Variants in TENM2 observed in about 807,000 individuals in gnomAD.
The protein encoded by TENM2 is teneurin-2.
Under a neutral mutation model 245.2 loss-of-function variants are expected in TENM2, and 52 were observed. That is an observed-to-expected ratio of 0.21 (90% CI 0.17 to 0.27). The LOEUF (loss-of-function observed/expected upper bound fraction) is 0.27, where lower values mean the gene tolerates loss of function less well. Ranked by LOEUF, TENM2 falls within the 10% of genes least tolerant of loss-of-function variation. The pLI is 1.00. For missense variants in TENM2, 3,046 were observed against 3,666.8 expected (o/e 0.83, Z 4.37); for synonymous variants, 1,363 against 1,438.9 (o/e 0.95, Z 1.19).
chr5:168,039,309 C>T (rs1313153442), intron 5 of TENM2, among the ~76,000 whole-genome samples: 14 of 152,162 alleles, frequency 9.2e-5, no homozygotes, highest in African/African-American at 3.4e-4. Flanking sequence ...TGCTGGTTGC[C>T]GTTCTTTGAA....
At chr5:167,897,880 G>A (rs565451681) in intron 3 of TENM2, among the ~76,000 whole-genome samples, 40 of 146,698 alleles carry the variant, frequency 2.7e-4, no homozygotes, top group Admixed American at 1.8e-3. Context: ...TGGGTAATCC[G>A]TAGTAAATTG....
At chr5:168,263,753 G>A (rs1425188055), downstream of TENM2, 2 of 152,454 alleles carry the variant, frequency 1.3e-5, no homozygotes, top group South Asian at 2.1e-4. Context: ...TATCAGTTTC[G>A]GTAGAGGTGC....
At chr5:167,386,455 C>T (rs1308166519) in intron 2 of TENM2, among the ~76,000 whole-genome samples, 1 of 152,060 alleles carries the variant, frequency 6.6e-6, no homozygotes, top group African/African-American at 2.4e-5. Context: ...TTTTCTCCCA[C>T]TCTGTGGGTT....
At chr5:167,055,148 T>C in the TENM2 span, among the ~76,000 whole-genome samples, 85 of 152,234 alleles carry the variant, frequency 5.6e-4, no homozygotes, top group African/African-American at 2.0e-3. Flanking sequence ...TTCTAGAAAT[T>C]TTACAGTTTT....
At chr5:167,282,248 C>G (rs924443639), upstream of TENM2, among the ~76,000 whole-genome samples, 4 of 152,106 alleles carry the variant, frequency 2.6e-5, no homozygotes, top group African/African-American at 9.7e-5. Flanking sequence ...ATACTCAACT[C>G]CCCATAAAAC....
intron 2 of TENM2, among the ~76,000 whole-genome samples, chr5:167,440,767 T>C (rs1370305054): frequency 6.6e-6 from 1 of 152,158 alleles, no homozygotes; most frequent in Non-Finnish European, 1.5e-5. Context: ...TCTCTTTCTC[T>C]TTCTTTTCTC....
At chr5:167,766,886 C>T (rs545652179) in intron 2 of TENM2, among the ~76,000 whole-genome samples, 2 of 150,934 alleles carry the variant, frequency 1.3e-5, no homozygotes, top group East Asian at 3.9e-4. Context: ...CTCAAAAAAA[C>T]AAAAACAAAA....
chr5:167,743,487 CA>C (rs1469528327), intron 2 of TENM2, among the ~76,000 whole-genome samples: 1 of 152,166 alleles, frequency 6.6e-6, no homozygotes, highest in Admixed American at 6.5e-5. Context: ...AAAGGCTTAT[CA>C]AACAATTAAA....
chr5:167,685,720 A>G (rs982627419), intron 2 of TENM2, among the ~76,000 whole-genome samples: 7 of 152,178 alleles, frequency 4.6e-5, no homozygotes, highest in Non-Finnish European at 8.8e-5. Context: ...GTTATCTGTA[A>G]TGATATATGA....
chr5:167,306,030 G>C (rs998906071), intron 1 of TENM2, among the ~76,000 whole-genome samples: 5 of 152,156 alleles, frequency 3.3e-5, no homozygotes, highest in African/African-American at 7.2e-5. Context: ...AAAATGGTGA[G>C]AGTGGAAACA....
the TENM2 span, among the ~76,000 whole-genome samples, chr5:167,176,769 T>C: frequency 6.6e-6 from 1 of 152,190 alleles, no homozygotes; most frequent in Non-Finnish European, 1.5e-5. Context: ...TTTTATACTT[T>C]CCCAAAACTA....
At chr5:167,620,549 C>CTTTTTTTTTTTT (rs11455974) in intron 2 of TENM2, among the ~76,000 whole-genome samples, 8 of 73,334 alleles carry the variant, frequency 1.1e-4, no homozygotes, top group Admixed American at 2.2e-4. Flanking sequence ...TGCTTTTTGG[C>CTTTTTTTTTTTT]TTTTTTTTTT....
chr5:167,713,484 A>G (rs975342358), intron 2 of TENM2, among the ~76,000 whole-genome samples: 1 of 152,022 alleles, frequency 6.6e-6, no homozygotes, highest in Non-Finnish European at 1.5e-5. Context: ...CATACATACA[A>G]TGCACACACA....
chr5:168,065,875 A>G (rs1317322555), intron 7 of TENM2, among the ~76,000 whole-genome samples: 1 of 135,726 alleles, frequency 7.4e-6, no homozygotes. Flanking sequence ...TTTCTTGTTT[A>G]TGCTACACCA....
chr5:167,652,444 G>A (rs1005473149), intron 2 of TENM2, among the ~76,000 whole-genome samples: 3 of 151,990 alleles, frequency 2.0e-5, no homozygotes, highest in Non-Finnish European at 4.4e-5. Flanking sequence ...TCTGCCTTCA[G>A]GAGGAGAAAT....
At chr5:168,185,753 T>G (rs1760330057) in intron 13 of TENM2, among the ~76,000 whole-genome samples, 1 of 151,642 alleles carries the variant, frequency 6.6e-6, no homozygotes, top group African/African-American at 2.4e-5. Context: ...TTGCCAAGAT[T>G]CAACCAGCCC....
chr5:167,435,662 C>G (rs943614384), intron 2 of TENM2, among the ~76,000 whole-genome samples: 3 of 152,112 alleles, frequency 2.0e-5, no homozygotes, highest in African/African-American at 4.8e-5. Flanking sequence ...AACTGGGTAA[C>G]AGGCAGAGGC....
intron 2 of TENM2, among the ~76,000 whole-genome samples, chr5:167,849,938 T>C (rs866092979): frequency 6.6e-6 from 1 of 152,046 alleles, no homozygotes; most frequent in Non-Finnish European, 1.5e-5. Flanking sequence ...CAAATCCTAT[T>C]CGTTTTGTTT....
At chr5:168,215,268 G>A (rs374089694) in exon 21 of TENM2, 118 of 1,613,292 alleles carry the variant, frequency 7.3e-5, no homozygotes, top group Non-Finnish European at 9.4e-5. Flanking sequence ...TGATGAGCCC[G>A]AGAGGTAAAG....
Sources: allele counts gnomAD v4.1 joint callset (sites outside exome capture counted in the v4.1 genomes callset), GRCh38; gene constraint gnomAD v4.1.1; transcripts MANE v1.5; gene names NCBI Gene and HGNC (gene_info 2026-07-23, HGNC 2026-07-21).